FBXL13: variants seen among roughly 807,000 people sequenced by gnomAD.
FBXL13 encodes F-box and leucine rich repeat protein 13.
FBXL13 carries 67 observed loss-of-function variants against 83.6 expected under a neutral mutation model. That is an observed-to-expected ratio of 0.80 (90% CI 0.66 to 0.98). FBXL13 has a LOEUF of 0.98. Among genes scored for constraint, FBXL13 ranks in the 50% least tolerant of loss-of-function variants. FBXL13 has a pLI of 0.00. For missense variants in FBXL13, 822 were observed against 866.5 expected (o/e 0.95, Z 0.64); for synonymous variants, 272 against 299.5 (o/e 0.91, Z 0.95).
intron 2 of FBXL13, among the ~76,000 whole-genome samples, chr7:103,033,072 C>T (rs1166613122): frequency 6.6e-6 from 1 of 152,138 alleles, no homozygotes; most frequent in Non-Finnish European, 1.5e-5. Context: ...TCCCCCCATA[C>T]ACACACACAT....
At chr7:102,815,834 A>G (rs1186005192) in intron 19 of FBXL13, among the ~76,000 whole-genome samples, 1 of 152,156 alleles carries the variant, frequency 6.6e-6, no homozygotes, top group African/African-American at 2.4e-5. Flanking sequence ...GTCAGCTACA[A>G]GCCAGGGTAA....
At chr7:102,908,923 C>T (rs1219791886) in intron 11 of FBXL13, among the ~76,000 whole-genome samples, 2 of 152,220 alleles carry the variant, frequency 1.3e-5, no homozygotes, top group Admixed American at 1.3e-4. Flanking sequence ...TCACTCAAGG[C>T]CCTGGGGCTC....
intron 15 of FBXL13, 115 bp downstream of exon 16, chr7:102,878,216 G>T: frequency 1.2e-6 from 1 of 842,054 alleles, no homozygotes; most frequent in Non-Finnish European, 1.6e-6. Context: ...CCAGCTTCTG[G>T]GCATCTCTGA....
intron 6 of FBXL13, among the ~76,000 whole-genome samples, chr7:102,979,000 G>A (rs1827853599): frequency 6.6e-6 from 1 of 152,134 alleles, no homozygotes; most frequent in African/African-American, 2.4e-5. Flanking sequence ...GCCTCCAGAG[G>A]CATGGAAATC....
chr7:102,954,973 G>A (rs1227215390), intron 8 of FBXL13, among the ~76,000 whole-genome samples: 2 of 152,112 alleles, frequency 1.3e-5, no homozygotes, highest in Non-Finnish European at 2.9e-5. Flanking sequence ...GTCAATATTA[G>A]ATAGATCAAC....
chr7:102,826,833 A>G (rs1197337769), intron 18 of FBXL13, among the ~76,000 whole-genome samples: 1 of 142,736 alleles, frequency 7.0e-6, no homozygotes, highest in East Asian at 2.0e-4. Context: ...TATAATAAAT[A>G]TATCTAATAT....
chr7:102,854,967 A>G, intron 16 of FBXL13, 107 bp from the exon 18 acceptor site: 1 of 581,588 alleles, frequency 1.7e-6, no homozygotes, highest in Non-Finnish European at 2.8e-6. Context: ...CCATTTATGA[A>G]AACTAATAAA....
chr7:102,989,417 T>C (rs938871446), intron 6 of FBXL13, among the ~76,000 whole-genome samples: 1 of 152,226 alleles, frequency 6.6e-6, no homozygotes, highest in African/African-American at 2.4e-5. Context: ...AGACGTTTCA[T>C]TGCCTTGGCC....
chr7:102,971,962 G>C (rs1469046436), intron 6 of FBXL13, among the ~76,000 whole-genome samples: 1 of 151,462 alleles, frequency 6.6e-6, no homozygotes, highest in Non-Finnish European at 1.5e-5. Flanking sequence ...GGAGGCAGAG[G>C]TTGCAGTGAG....
At chr7:103,016,474 G>T (rs996731051) in intron 6 of FBXL13, among the ~76,000 whole-genome samples, 1 of 152,020 alleles carries the variant, frequency 6.6e-6, no homozygotes, top group African/African-American at 2.4e-5. Flanking sequence ...TCTCACTGGG[G>T]CTTGTCGGAC....
At chr7:103,070,585 G>A (rs1798853103) in intron 1 of FBXL13, among the ~76,000 whole-genome samples, 1 of 151,932 alleles carries the variant, frequency 6.6e-6, no homozygotes, top group Admixed American at 6.5e-5. Flanking sequence ...CTGAGGCCAG[G>A]TAATTTATAA....
intron 17 of FBXL13, among the ~76,000 whole-genome samples, chr7:102,847,977 A>G (rs1804331757): frequency 6.6e-6 from 1 of 152,232 alleles, no homozygotes; most frequent in African/African-American, 2.4e-5. Flanking sequence ...GATCTAATAT[A>G]TACCAAGGTG....
chr7:103,033,470 G>A (rs1191465868), intron 2 of FBXL13, among the ~76,000 whole-genome samples: 2 of 152,232 alleles, frequency 1.3e-5, no homozygotes, highest in Admixed American at 6.5e-5. Flanking sequence ...AAGGCGGCGT[G>A]TCTGGAGTTT....
At chr7:102,886,845 G>A (rs891348664) in intron 11 of FBXL13, among the ~76,000 whole-genome samples, 13 of 152,126 alleles carry the variant, frequency 8.5e-5, no homozygotes, top group South Asian at 2.1e-4. Context: ...AATGCTAAGG[G>A]AAGCCCTTGA....
At chr7:102,885,324 G>A (rs1053301786) in intron 11 of FBXL13, among the ~76,000 whole-genome samples, 5 of 152,136 alleles carry the variant, frequency 3.3e-5, no homozygotes, top group African/African-American at 1.2e-4. Context: ...TGGGCTTGAA[G>A]TGGTACTCCA....
intron 11 of FBXL13, among the ~76,000 whole-genome samples, chr7:102,884,747 T>G (rs960004466): frequency 1.3e-5 from 2 of 152,206 alleles, no homozygotes; most frequent in Non-Finnish European, 1.5e-5. Context: ...TCCAAAACAT[T>G]TTCATCACCC....
chr7:102,973,708 G>A (rs746963061), intron 6 of FBXL13: 2 of 766,402 alleles, frequency 2.6e-6, no homozygotes, highest in East Asian at 4.8e-5. Flanking sequence ...GCCGGACAAA[G>A]GAAGCTCCTC....
In FBXL13 at chr7:102,886,368, C is replaced by T. The variant is rs78363430; in HGVS notation, c.1009-2056G>A. On this transcript the variant is annotated intron_variant, in intron 11 of 19. Coordinates refer to ENST00000313221, the Ensembl canonical transcript of FBXL13. Reference sequence around the variant, plus strand: ...GGGAGACCTTTGGAGACTTCATTTGCGCCACCTCTCACTAAAGGTGACTTC... The same window carrying T: ...GGGAGACCTTTGGAGACTTCATTTGTGCCACCTCTCACTAAAGGTGACTTC... Among the ~76,000 whole-genome samples, 618 of 152,212 alleles carry T rather than the reference C, an allele frequency of 4.1e-3. 5 individuals carry two copies. Among genetic ancestry groups the T allele is most frequent in the African/African-American group, 0.015 (603 of 41,514 alleles).
intron 11 of FBXL13, among the ~76,000 whole-genome samples, chr7:102,904,700 A>G (rs1813480041): frequency 6.6e-6 from 1 of 151,828 alleles, no homozygotes; most frequent in Admixed American, 6.6e-5. Context: ...AAGATGCATC[A>G]TCAGATTGTT....
Sources: allele counts gnomAD v4.1 joint callset (sites outside exome capture counted in the v4.1 genomes callset), GRCh38; gene constraint gnomAD v4.1.1; transcripts MANE v1.5; gene names NCBI Gene and HGNC (gene_info 2026-07-23, HGNC 2026-07-21).